Variants in GNAT2 observed in about 807,000 individuals in gnomAD.
GNAT2 encodes the protein G protein subunit alpha transducin 2.
GNAT2 carries 32 observed loss-of-function variants against 40.9 expected under a neutral mutation model. That is an observed-to-expected ratio of 0.78 (90% CI 0.59 to 1.05). The LOEUF is 1.05. GNAT2 is among the 50% of genes least tolerant of loss of function. The probability of loss-of-function intolerance (pLI) is 0.00; values close to 1 mark genes in which losing one functional copy is unlikely to be tolerated. For missense variants in GNAT2, 355 were observed against 431.5 expected, an observed-to-expected ratio of 0.82 and a Z score of 1.57; for synonymous variants, 141 against 157.2, an observed-to-expected ratio of 0.90 and a Z score of 0.77.
At position 109,612,702 on chromosome 1, in the gene GNAT2, A is replaced by G. The variant is rs1487279993; in HGVS notation, c.118+51T>C. On this transcript the variant is annotated intron_variant, in intron 2 of 8. Transcript: ENST00000679935. ...AGGTAGAACCCACCAACCCTTCAGG[A>G]AAGTAGGAAGGACCCCTGCCTTCTC... 3.5e-6 allele frequency: 4 copies of G among 1,130,804 alleles called. No homozygotes were observed. The South Asian group carries it at 4.9e-5, about 14-fold the overall frequency. 70.0% of individuals were successfully genotyped at this position (1,130,804 alleles called of 1,614,324 possible).
At chr1:109,615,527 TGGGA>T (rs1325538494) in intron 1 of GNAT2, 1 of 149,736 alleles carries the variant, frequency 6.7e-6, no homozygotes, top group Non-Finnish European at 1.5e-5. Context: ...CCCAGCTACT[TGGGA>T]GGCTGAGGCA....
At chr1:109,613,217 C>T (rs146318083) in intron 1 of GNAT2, 21 of 348,888 alleles carry the variant, frequency 6.0e-5, no homozygotes, top group African/African-American at 3.4e-4. Context: ...TGGGTTCTGA[C>T]GGAAGGATAG....
In GNAT2 at chr1:109,606,283, A is replaced by T. The variant is rs113610946; in HGVS notation, c.590+25T>A. Reference sequence around the variant, plus strand: ...TCAGGATTCCACACGTGTATCCGAGATGCCCTAGGGAACCATGCACTTACC... The same window carrying T: ...TCAGGATTCCACACGTGTATCCGAGTTGCCCTAGGGAACCATGCACTTACC... On this transcript the variant is annotated intron_variant, in intron 6 of 8. Transcript: ENST00000679935. The T allele has an allele frequency of 1.5e-4, 247 of 1,612,900 alleles. No individual in the cohort carries two copies. In the African/African-American group the frequency reaches 3.0e-3, roughly 20 times the overall value.
At position 109,608,636 on chromosome 1, in the gene GNAT2, T is replaced by TGCG; in HGVS notation, c.453_455dup (p.Ala152dup). ...CTCTCACCAGTCAGTCTTACTAAGA[T>TGCG]GCGGAGTCATTAAGCTGGTATTCTG... On this transcript the variant is annotated inframe_insertion, in exon 5 of 9. Coordinates refer to ENST00000679935, the MANE Select transcript of GNAT2 (RefSeq NM_001377295.2). 6.2e-7 allele frequency: 1 copy of TGCG among 1,613,748 alleles called. No individual in the cohort carries two copies. The highest frequency in any genetic ancestry group is 8.5e-7 in the Non-Finnish European group (1 of 1,179,658).
Position 109,608,705 on chromosome 1 carries a change from C to A in GNAT2, c.387G>T (p.Arg129Ser), listed in dbSNP as rs778799065. ...CTTGCACCCCACCATCCTTCCACAA[C>A]CTCCTAATGACCTCCACGAGCTCAG... ...MPPELVEVIR[R>S]LWKDGGVQAC... Residue 129 changes from arginine to serine, a missense_variant, in exon 5 of 9, where the codon AGG becomes AGT. By Grantham distance (110) the Arg-to-Ser change is moderately radical (BLOSUM62 -1). Transcript: ENST00000679935. The A allele has an allele frequency of 6.2e-7, 1 of 1,614,032 alleles. No individual in the cohort carries two copies. Among genetic ancestry groups the A allele is most frequent in the Non-Finnish European group, 8.5e-7 (1 of 1,179,876 alleles).
intron 7 of GNAT2, chr1:109,605,590 C>A: frequency 3.0e-6 from 1 of 329,260 alleles, no homozygotes; most frequent in South Asian, 2.5e-5. Flanking sequence ...ATGTTATTTT[C>A]TCTGTTCTGT....
intron 2 of GNAT2, chr1:109,611,178 ATTTT>A (rs55923624): frequency 5.1e-5 from 7 of 136,132 alleles, no homozygotes; most frequent in East Asian, 2.2e-4. Context: ...GCCCGACTAC[ATTTT>A]TTTTTTTTTT....
intron 7 of GNAT2, 52 bp downstream of exon 7, chr1:109,605,918 G>A: frequency 1.9e-6 from 3 of 1,559,360 alleles, no homozygotes; most frequent in South Asian, 2.2e-5. Context: ...TAGAGAAAGG[G>A]TCATGGGGAG....
chr1:109,609,974 T>A, intron 4 of GNAT2, 66 bp downstream of exon 4: 4 of 1,494,774 alleles, frequency 2.7e-6, no homozygotes, highest in Non-Finnish European at 3.7e-6. Context: ...TTTGTTGGCC[T>A]CTGGTATGTT....
At chr1:109,604,223 A>G (rs971601952) in intron 7 of GNAT2, 119 bp from the exon 8 acceptor site, 1 of 783,690 alleles carries the variant, frequency 1.3e-6, no homozygotes, top group African/African-American at 1.7e-5. Flanking sequence ...AAGACAGAGA[A>G]CAGCTTATCT....
chr1:109,609,158 A>T (rs991868881), intron 4 of GNAT2: 1 of 310,142 alleles, frequency 3.2e-6, no homozygotes, highest in African/African-American at 2.1e-5. Context: ...ACAAGATAGA[A>T]GACAGGGACC....
chr1:109,606,980 A>G (rs1236586100), intron 5 of GNAT2: 2 of 160,882 alleles, frequency 1.2e-5, no homozygotes, highest in Admixed American at 1.2e-4. Context: ...ATCCATAATG[A>G]CATTTTTAGG....
chr1:109,603,874 A>G (rs1410170762), intron 8 of GNAT2, 77 bp downstream of exon 8: 2 of 1,090,702 alleles, frequency 1.8e-6, no homozygotes, highest in Non-Finnish European at 2.8e-6. Context: ...CCTTTGTGTC[A>G]TCTTGGCCTA....
intron 7 of GNAT2, chr1:109,604,842 C>T (rs1230164498): frequency 6.5e-6 from 1 of 153,294 alleles, no homozygotes; most frequent in Non-Finnish European, 1.5e-5. Context: ...CCATTTGTGG[C>T]TTTTTCCCCA....
intron 8 of GNAT2, 90 bp from the exon 9 acceptor site, chr1:109,603,634 A>T (rs1393214364): frequency 2.2e-6 from 2 of 888,966 alleles, no homozygotes; most frequent in African/African-American, 3.3e-5. Context: ...GATCCTTGAA[A>T]TGTTATTAGA....
At position 109,606,453 on chromosome 1, in the gene GNAT2, A is replaced by G; in HGVS notation, c.462-17T>C. On this transcript the variant is annotated splice_polypyrimidine_tract_variant and intron_variant, in intron 5 of 8. Coordinates refer to ENST00000679935, the MANE Select transcript of GNAT2 (RefSeq NM_001377295.2). ...TTCAGGTAGCTAGAGAAAAGTGATT[A>G]GCATCAATGACAAATTTTCCACAGA... is the stretch of plus-strand genomic sequence containing the variant. 1 of 1,611,280 alleles carries G rather than the reference A, an allele frequency of 6.2e-7. No individual in the cohort carries two copies. The highest frequency in any genetic ancestry group is 8.5e-7 in the Non-Finnish European group (1 of 1,177,420).
rs534677249 is a variant in GNAT2, at chr1:109,606,045, G to A, written c.645C>T (p.Phe215=). 2.4e-5 allele frequency: 39 copies of A among 1,612,036 alleles called. No homozygotes were observed. The highest frequency in any genetic ancestry group is 2.3e-4 in the South Asian group (21 of 91,028). Residue 215 remains phenylalanine, a synonymous_variant, in exon 7 of 9, where the codon TTC becomes TTT. Transcript: ENST00000679935. The part of the protein sequence containing the change: ...RSERKKWIHC[F]EGVTCIIFCA... The stretch of plus-strand genomic sequence containing the variant: ...AGAAAATGATGCAGGTGACTCCCTC[G>A]AAGCAGTGGATCCACTTCTTTCTCT...
Position 109,606,008 on chromosome 1 carries a change from T to C in GNAT2, c.682A>G (p.Ser228Gly). Residue 228 changes from serine to glycine, a missense_variant, in exon 7 of 9, where the codon AGT (serine) becomes GGT (glycine). By Grantham distance (56) the Ser-to-Gly change is moderately conservative. Coordinates refer to ENST00000679935, the MANE Select transcript of GNAT2 (RefSeq NM_001377295.2). ...VTCIIFCAALSAYDMVLVEDD... is the reference protein window; with the variant it reads ...VTCIIFCAALGAYDMVLVEDD... ...TCCACCAGCACCATATCATAGGCAC[T>C]GAGGGCTGCACAGAAAATGATGCAG... The C allele has an allele frequency of 6.2e-7, 1 of 1,613,720 alleles. No individual in the cohort carries two copies. Among genetic ancestry groups the C allele is most frequent in the Non-Finnish European group, 8.5e-7 (1 of 1,179,598 alleles).
At chr1:109,617,024 A>C (rs1259438770) in intron 1 of GNAT2, 1 of 152,206 alleles carries the variant, frequency 6.6e-6, no homozygotes, top group Non-Finnish European at 1.5e-5. Context: ...TATAGATGGA[A>C]ACAGCTGTAT....
Sources: gnomAD v4.1 joint callset for allele counts on GRCh38, gnomAD v4.1.1 for gene constraint, MANE v1.5 for transcripts, NCBI Gene and HGNC (gene_info 2026-07-23, HGNC 2026-07-21) for gene names.